The following ATE1 variants were observed in gnomAD, a reference collection of about 807,000 sequenced individuals.
ATE1 encodes arginyl-tRNA--protein transferase 1.
ATE1 carries 36 observed loss-of-function variants against 70.5 expected under a neutral mutation model. The ratio of observed to expected loss-of-function variants is 0.51; its 90% CI spans 0.39 to 0.67. The LOEUF (loss-of-function observed/expected upper bound fraction) is 0.67. Among genes scored for constraint, ATE1 ranks in the 30% least tolerant of loss-of-function variants. The pLI, the probability that ATE1 is intolerant of heterozygous loss-of-function variation, is 0.00. For synonymous variants in ATE1, 232 were observed against 219.3 expected (o/e 1.06, Z -0.51); for missense variants, 593 against 629.5 (o/e 0.94, Z 0.62).
At chr10:121,905,572 T>TGG (rs1230554495) in intron 5 of ATE1, among the ~76,000 whole-genome samples, 1 of 152,178 alleles carries the variant, frequency 6.6e-6, no homozygotes, top group Non-Finnish European at 1.5e-5. Flanking sequence ...CGGGGCTCAG[T>TGG]GGCTCACGCC....
intron 3 of ATE1, 51 bp from the exon 4 acceptor site, chr10:121,913,944 T>C: frequency 7.0e-7 from 1 of 1,422,768 alleles, no homozygotes; most frequent in Non-Finnish European, 9.7e-7. Flanking sequence ...CTTGAAGAAA[T>C]GAAATCAGTT....
intron 10 of ATE1, among the ~76,000 whole-genome samples, chr10:121,791,084 GTGTGTA>G (rs1946430897): frequency 9.6e-6 from 1 of 104,204 alleles, no homozygotes; most frequent in South Asian, 3.3e-4. Flanking sequence ...GTGTGTGTGT[GTGTGTA>G]TATATATTTT....
At chr10:121,902,740 G>T in intron 5 of ATE1, 120 bp from the exon 6 acceptor site, 1 of 1,023,364 alleles carries the variant, frequency 9.8e-7, no homozygotes, top group East Asian at 2.6e-5. Context: ...TAGCTTTGGG[G>T]TAGATGTTTC....
intron 8 of ATE1, among the ~76,000 whole-genome samples, chr10:121,844,736 A>G (rs1948752102): frequency 6.6e-6 from 1 of 152,154 alleles, no homozygotes; most frequent in Non-Finnish European, 1.5e-5. Context: ...CATACAATGA[A>G]AGATTACTCA....
chr10:121,855,614 C>G (rs1949220522), intron 8 of ATE1, among the ~76,000 whole-genome samples: 1 of 152,108 alleles, frequency 6.6e-6, no homozygotes, highest in Non-Finnish European at 1.5e-5. Flanking sequence ...ATTTTCCTAC[C>G]TCCAGAGGGT....
intron 10 of ATE1, among the ~76,000 whole-genome samples, chr10:121,818,064 G>T (rs1001649975): frequency 9.2e-5 from 14 of 151,844 alleles, no homozygotes; most frequent in African/African-American, 3.4e-4. Context: ...AGGAATTCAA[G>T]ACCAGCCTGG....
intron 10 of ATE1, among the ~76,000 whole-genome samples, chr10:121,796,660 C>T (rs2133336356): frequency 6.6e-6 from 1 of 152,154 alleles, no homozygotes; most frequent in African/African-American, 2.4e-5. Context: ...AATATGGCCT[C>T]ATAATATTTC....
chr10:121,863,704 G>A (rs1162480452), intron 8 of ATE1, among the ~76,000 whole-genome samples: 1 of 152,098 alleles, frequency 6.6e-6, no homozygotes, highest in African/African-American at 2.4e-5. Context: ...CAAACTTCAA[G>A]GCTGAAATGA....
At chr10:121,780,572 T>C (rs1447143787) in intron 11 of ATE1, among the ~76,000 whole-genome samples, 1 of 152,240 alleles carries the variant, frequency 6.6e-6, no homozygotes, top group Non-Finnish European at 1.5e-5. Flanking sequence ...GCTTAAGATC[T>C]CTTATGGCCT....
intron 7 of ATE1, among the ~76,000 whole-genome samples, chr10:121,883,193 C>T (rs903574152): frequency 2.6e-5 from 4 of 152,114 alleles, no homozygotes; most frequent in African/African-American, 9.7e-5. Flanking sequence ...ACAACACCCC[C>T]TGCTAACCTT....
chr10:121,926,162 T>C (rs1952081305), intron 1 of ATE1, among the ~76,000 whole-genome samples: 1 of 152,146 alleles, frequency 6.6e-6, no homozygotes, highest in South Asian at 2.1e-4. Context: ...TGAGCAAAGA[T>C]TGTGCCACTG....
intron 11 of ATE1, among the ~76,000 whole-genome samples, chr10:121,778,818 G>A (rs1015143445): frequency 6.6e-6 from 1 of 151,898 alleles, no homozygotes; most frequent in African/African-American, 2.4e-5. Flanking sequence ...GGGCAGGCTG[G>A]TCTTGAACTC....
chr10:121,818,788 C>A (rs1333683081), intron 10 of ATE1, among the ~76,000 whole-genome samples: 1 of 152,198 alleles, frequency 6.6e-6, no homozygotes, highest in African/African-American at 2.4e-5. Flanking sequence ...CAGGCTAGTT[C>A]ATTTTCCTTC....
chr10:121,775,367 T>A (rs7090058), intron 11 of ATE1, among the ~76,000 whole-genome samples: 2 of 152,016 alleles, frequency 1.3e-5, no homozygotes, highest in African/African-American at 4.8e-5. Flanking sequence ...CTAATGCATG[T>A]GGGGCTTAAA....
intron 10 of ATE1, among the ~76,000 whole-genome samples, chr10:121,817,821 C>A (rs180969130): frequency 7.9e-5 from 12 of 152,140 alleles, no homozygotes; most frequent in African/African-American, 2.7e-4. Flanking sequence ...ACAGTCAAAG[C>A]CTATAGGGAG....
At chr10:121,913,927 C>A in intron 3 of ATE1, 34 bp from the exon 4 acceptor site, 2 of 1,521,146 alleles carry the variant, frequency 1.3e-6, no homozygotes, top group Non-Finnish European at 1.8e-6. Context: ...AAAAAGTGAA[C>A]TCAAACCTTG....
rs1239650839 is a variant in ATE1 at position 121,841,103 on chromosome 10, A to G, written c.1136T>C (p.Leu379Ser). ...YYDPDYSFLS[L>S]GVYSALREIA... is the part of the protein sequence containing the mutation. Reference sequence around the variant, plus strand: ...TTACCGTAGTGCAGAGTAGACGCCCAAAGACAAAAACGAATAATCAGGATC... The same window carrying G: ...TTACCGTAGTGCAGAGTAGACGCCCGAAGACAAAAACGAATAATCAGGATC... The change falls in exon 9 of 12, where the codon TTG becomes TCG. Residue 379 changes from leucine to serine, a missense_variant. Around this residue, in one of 3 missense-constraint regions of ATE1, gnomAD observed 467 missense variants for 469.6 expected, o/e 0.99. Coordinates refer to ENST00000224652, the MANE Select transcript of ATE1 (RefSeq NM_001001976.3). 1 of 1,571,268 alleles carries G rather than the reference A, an allele frequency of 6.4e-7. No homozygotes were observed.
intron 7 of ATE1, among the ~76,000 whole-genome samples, chr10:121,894,173 A>T (rs1395037787): frequency 2.6e-5 from 4 of 152,100 alleles, no homozygotes; most frequent in South Asian, 2.1e-4. Flanking sequence ...GAAAAAAAAA[A>T]ACATGGACAT....
chr10:121,906,306 T>C lies in ATE1; in HGVS notation c.584-3686A>G, dbSNP rs186944637. ...ACTTTGGGAGGCTGAGGCAGGCAGA[T>C]CACTTGAGTCCAGGAGTTCAAGACC... On this transcript the variant is annotated intron_variant, in intron 5 of 11. Coordinates refer to ENST00000224652, the MANE Select transcript of ATE1 (RefSeq NM_001001976.3). 2.7e-3 allele frequency among the ~76,000 whole-genome samples: 416 copies of C among 152,116 alleles called. 4 individuals carry two copies. The highest frequency in any genetic ancestry group is 2.7e-3 in the East Asian group (14 of 5,156).
Sources: allele counts gnomAD v4.1 joint callset (sites outside exome capture counted in the v4.1 genomes callset), GRCh38; gene constraint gnomAD v4.1.1; regional missense constraint gnomAD v4.1.1; transcripts MANE v1.5; gene names NCBI Gene and HGNC (gene_info 2026-07-23, HGNC 2026-07-21).